Variants in ADGRG5 observed in about 807,000 individuals in gnomAD.
ADGRG5 encodes the protein adhesion G protein-coupled receptor G5, also known as G protein-coupled receptor 114.
In ADGRG5, 37 loss-of-function variants were observed where a neutral mutation model predicts 53.2. That is an observed-to-expected ratio of 0.70 (90% confidence interval 0.53 to 0.91). ADGRG5 has a LOEUF of 0.91. ADGRG5 is among the 40% of genes least tolerant of loss of function. The pLI, the probability that ADGRG5 is intolerant of heterozygous loss-of-function variation, is 0.00. For synonymous variants in ADGRG5, 277 were observed against 290.4 expected (o/e 0.95, Z 0.47); for missense variants, 614 against 675.8 (o/e 0.91, Z 1.01).
At chr16:57,566,166 C>T (rs1193128301) in intron 6 of ADGRG5, 2 of 157,618 alleles carry the variant, frequency 1.3e-5, no homozygotes, top group Admixed American at 6.5e-5. Context: ...CGTGGCTTGG[C>T]ATTAGGGTTG....
chr16:57,555,443 T>C (rs1212223602), intron 1 of ADGRG5, among the ~76,000 whole-genome samples: 1 of 152,212 alleles, frequency 6.6e-6, no homozygotes. Flanking sequence ...CCTTCCTCCA[T>C]GATTATATAC....
the ADGRG5 span, among the ~76,000 whole-genome samples, chr16:57,534,542 GCA>G: frequency 1.3e-5 from 2 of 152,070 alleles, no homozygotes; most frequent in South Asian, 2.1e-4. Flanking sequence ...TAACCTCTCT[GCA>G]CAGAGTATGC....
chr16:57,568,026 G>A lies in ADGRG5; in HGVS notation c.992G>A (p.Trp331Ter). The A allele has an allele frequency of 6.2e-7, 1 of 1,614,042 alleles. No individual in the cohort carries two copies. Among genetic ancestry groups the A allele is most frequent in the Non-Finnish European group, 8.5e-7 (1 of 1,179,948 alleles). The change falls in exon 9 of 12, where the codon TGG (tryptophan) becomes TAG (stop). Residue 331 changes from tryptophan (W) to a stop codon, truncating the protein, a stop_gained. Transcript: ENST00000349457. LOFTEE classifies it high-confidence loss of function. ...LHYALLSCLT[W>*]MAIEGFNLYL... Reference sequence around the variant, plus strand: ...TACGCGCTGCTCAGCTGCCTCACCTGGATGGCCATCGAGGGCTTCAACCTC... The same window carrying A: ...TACGCGCTGCTCAGCTGCCTCACCTAGATGGCCATCGAGGGCTTCAACCTC...
At chr16:57,569,315 CCTCCAT>C (rs2146823889) in intron 9 of ADGRG5, among the ~76,000 whole-genome samples, 1 of 150,352 alleles carries the variant, frequency 6.7e-6, no homozygotes, top group South Asian at 2.1e-4. Flanking sequence ...ATCACCTCCA[CCTCCAT>C]CATCTCCATC....
chr16:57,566,684 C>T lies in ADGRG5; in HGVS notation c.632C>T (p.Thr211Ile). ...GGCTGGAGCCCTGAGGGCTGTCGTA[C>T]AGAGCAGCCCTCCCACTCTCAGGTG... ...WGGWSPEGCRTEQPSHSQVLC... is the reference protein window; with the variant it reads ...WGGWSPEGCRIEQPSHSQVLC... Residue 211 changes from threonine to isoleucine, a missense_variant, in exon 7 of 12, where the codon ACA becomes ATA. Physicochemically the swap from Thr to Ile is moderately conservative, Grantham distance 89. Coordinates refer to ENST00000349457, the MANE Select transcript of ADGRG5 (RefSeq NM_001304376.3). 3 of 1,591,636 alleles carry T rather than the reference C, an allele frequency of 1.9e-6. No individual in the cohort carries two copies. The highest frequency in any genetic ancestry group is 2.3e-5 in the South Asian group (2 of 87,868).
intron 1 of ADGRG5, among the ~76,000 whole-genome samples, chr16:57,548,870 A>G (rs1390977696): frequency 6.6e-6 from 1 of 151,992 alleles, no homozygotes; most frequent in Admixed American, 6.6e-5. Context: ...ATTTTCACCC[A>G]CTTTGAGGCT....
chr16:57,530,962 C>T, the ADGRG5 span, among the ~76,000 whole-genome samples: 2 of 151,894 alleles, frequency 1.3e-5, no homozygotes, highest in African/African-American at 2.4e-5. Context: ...CTTGCTTCCA[C>T]GTCTTCCTCT....
chr16:57,566,717 G>T lies in ADGRG5; in HGVS notation c.665G>T (p.Arg222Leu), dbSNP rs115753984. The T allele has an allele frequency of 1.5e-4, 235 of 1,569,998 alleles. 1 individual carries two copies. The African/African-American group carries it at 2.8e-3, about 19-fold the overall frequency. ...EQPSHSQVLC[R>L]CNHLTYFAVL... ...CCCTCCCACTCTCAGGTGCTCTGCC[G>T]CTGCAACCACCTCACCTACTTTGCT... The change falls in exon 7 of 12, where the codon CGC becomes CTC. Residue 222 changes from arginine (R) to leucine (L), a missense_variant. Transcript: ENST00000349457.
chr16:57,567,763 C>T (rs1162643890), intron 8 of ADGRG5, 93 bp from the exon 9 acceptor site: 25 of 1,475,488 alleles, frequency 1.7e-5, no homozygotes, highest in Non-Finnish European at 3.7e-6. Context: ...TTCTTCGCCT[C>T]AGTTTCCCTG....
upstream of ADGRG5, among the ~76,000 whole-genome samples, chr16:57,540,832 C>T (rs142944354): frequency 1.9e-3 from 282 of 152,214 alleles, no homozygotes; most frequent in Non-Finnish European, 3.3e-3. Flanking sequence ...ACTCTGTTGC[C>T]CAAGCTGGAA....
rs562173135 is a variant in ADGRG5, at chr16:57,572,327, T to C, written c.1208+1792T>C. ...CGTCTCTATTAAAAATACAAAAAAT[T>C]AGCTGGGCGTGGTGGCAGGCACCTG... On this transcript the variant is annotated intron_variant, in intron 10 of 11. Coordinates refer to ENST00000349457, the MANE Select transcript of ADGRG5 (RefSeq NM_001304376.3). Among the ~76,000 whole-genome samples, 17 of 151,910 alleles carry C rather than the reference T, an allele frequency of 1.1e-4. No homozygotes were observed. The East Asian group carries it at 3.1e-3, about 28-fold the overall frequency.
chr16:57,539,151 G>T (rs1598086740), upstream of ADGRG5, among the ~76,000 whole-genome samples: 1 of 152,184 alleles, frequency 6.6e-6, no homozygotes, highest in African/African-American at 2.4e-5. Flanking sequence ...ACCTTTAAAA[G>T]GAATGAGAGT....
chr16:57,537,603 A>G, the ADGRG5 span, among the ~76,000 whole-genome samples: 1 of 152,128 alleles, frequency 6.6e-6, no homozygotes, highest in East Asian at 1.9e-4. Flanking sequence ...TTGCAAAAAT[A>G]TTTGAGAGCT....
At chr16:57,536,337 G>A in the ADGRG5 span, among the ~76,000 whole-genome samples, 2 of 152,162 alleles carry the variant, frequency 1.3e-5, no homozygotes, top group African/African-American at 4.8e-5. Flanking sequence ...CGTCTAGAAA[G>A]TTCTGCTCTG....
At position 57,563,969 on chromosome 16, in the gene ADGRG5, A is replaced by C. The variant is rs1365701459; in HGVS notation, c.419A>C (p.His140Pro). 1.2e-6 allele frequency: 2 copies of C among 1,612,390 alleles called. No individual in the cohort carries two copies. Among genetic ancestry groups the C allele is most frequent in the Non-Finnish European group, 1.7e-6 (2 of 1,178,718 alleles). The change falls in exon 5 of 12, where the codon CAC becomes CCC. Residue 140 changes from histidine to proline, a missense_variant. His to Pro is a moderately conservative substitution (Grantham distance 77). Transcript: ENST00000349457. ...RLICIYFSNTHFFKDENNSSL... is the reference protein window; with the variant it reads ...RLICIYFSNTPFFKDENNSSL... ...ATCTGTATCTACTTCTCCAACACCCACTTTTTCAAGGTCAGTGTGATGGCG... is the reference window on the plus strand; with the variant it reads ...ATCTGTATCTACTTCTCCAACACCCCCTTTTTCAAGGTCAGTGTGATGGCG...
chr16:57,571,656 C>CTTTTTTTTTTTT (rs61698586), intron 10 of ADGRG5, among the ~76,000 whole-genome samples: 1 of 134,022 alleles, frequency 7.5e-6, no homozygotes, highest in Non-Finnish European at 1.6e-5. Context: ...TCTTTTTTTT[C>CTTTTTTTTTTTT]TTTTTTTTTT....
chr16:57,540,220 C>T (rs1055478418), upstream of ADGRG5, among the ~76,000 whole-genome samples: 13 of 151,958 alleles, frequency 8.6e-5, no homozygotes, highest in Middle Eastern at 3.2e-3. Context: ...TCCAGCCTGG[C>T]GACAGAGTGA....
intron 1 of ADGRG5, among the ~76,000 whole-genome samples, chr16:57,558,317 T>A (rs1320639559): frequency 6.6e-6 from 1 of 152,190 alleles, no homozygotes; most frequent in Non-Finnish European, 1.5e-5. Flanking sequence ...TACTACAGGC[T>A]CCAAATTTCT....
chr16:57,549,009 A>G (rs1266686756), intron 1 of ADGRG5, among the ~76,000 whole-genome samples: 1 of 152,206 alleles, frequency 6.6e-6, no homozygotes, highest in Non-Finnish European at 1.5e-5. Flanking sequence ...TTAGTTTTAT[A>G]AGAAACTGTC....
Sources: allele counts gnomAD v4.1 joint callset (sites outside exome capture counted in the v4.1 genomes callset), GRCh38; gene constraint gnomAD v4.1.1; transcripts MANE v1.5; gene names NCBI Gene and HGNC (gene_info 2026-07-23, HGNC 2026-07-21).